ETV1: variants seen among roughly 807,000 people sequenced by gnomAD.
ETV1 encodes ETS variant transcription factor 1.
A neutral mutation model predicts 62.3 loss-of-function variants in ETV1; 27 were observed. The observed-to-expected ratio is 0.43, with a 90% CI of 0.32 to 0.60. ETV1 has a LOEUF of 0.60. Ranked by LOEUF, ETV1 falls within the 20% of genes least tolerant of loss-of-function variation. The pLI is 0.06. For synonymous variants in ETV1, 222 were observed against 199.6 expected (o/e 1.11, Z -0.94); for missense variants, 605 against 605.8 (o/e 1.00, Z 0.01).
chr7:13,988,249 C>CAA lies in ETV1; in HGVS notation c.46-77_46-76insTT, dbSNP rs1782733421. On this transcript the variant is annotated intron_variant, in intron 3 of 13. Coordinates refer to ENST00000430479, the MANE Select transcript of ETV1 (RefSeq NM_004956.5). Reference sequence around the variant, plus strand: ...ACACACGCACACGCGCGCGCACACACACACACACAGACATGCATACATAAG... The same window carrying CAA: ...ACACACGCACACGCGCGCGCACACACAAACACACACAGACATGCATACATAAG... 6.7e-5 allele frequency: 57 copies of CAA among 849,170 alleles called. No homozygotes were observed. In the South Asian group the frequency reaches 7.2e-4, roughly 11 times the overall value. 52.6% of individuals were successfully genotyped at this position (849,170 alleles called of 1,614,324 possible).
At chr7:13,900,552 A>G (rs1322978964) in intron 13 of ETV1, 186 bp downstream of exon 13, 1 of 535,494 alleles carries the variant, frequency 1.9e-6, no homozygotes, top group Non-Finnish European at 3.3e-6. Context: ...ATCACTACAC[A>G]TTTGTCTACA....
intron 6 of ETV1, among the ~76,000 whole-genome samples, chr7:13,949,795 A>G (rs983673647): frequency 1.3e-5 from 2 of 152,250 alleles, no homozygotes; most frequent in African/African-American, 4.8e-5. Flanking sequence ...TCGAGTTTTC[A>G]TGATTTTCCA....
chr7:13,897,185 T>C (rs1157912926), intron 13 of ETV1, among the ~76,000 whole-genome samples: 1 of 152,152 alleles, frequency 6.6e-6, no homozygotes, highest in Non-Finnish European at 1.5e-5. Flanking sequence ...GTTCTTTCTA[T>C]TAACTTTGAT....
In ETV1 at chr7:13,966,162, G is replaced by T. The variant is rs1230107743; in HGVS notation, c.235+11265C>A. On this transcript the variant is annotated intron_variant, in intron 6 of 13. Transcript: ENST00000430479. ...TGAATAGGACAATACTCTGTAAATAGTAATACTTAACAGTAGAGTACCTCA... is the reference window on the plus strand; with the variant it reads ...TGAATAGGACAATACTCTGTAAATATTAATACTTAACAGTAGAGTACCTCA... Among the ~76,000 whole-genome samples the T allele has an allele frequency of 2.0e-5, 3 of 152,126 alleles. No homozygotes were observed. The East Asian group carries it at 5.8e-4, about 29-fold the overall frequency.
chr7:13,918,776 A>C (rs1583626071), intron 9 of ETV1, among the ~76,000 whole-genome samples: 1 of 151,506 alleles, frequency 6.6e-6, no homozygotes, highest in East Asian at 2.0e-4. Context: ...CTAATGCTAG[A>C]TGACGAGTTA....
rs1469037984 is a variant in ETV1 at position 13,895,142 on chromosome 7, G to C, written c.*724C>G. Reference sequence around the variant, plus strand: ...GTATCTAAACAGCAAGGTGGCACCAGATACACGTAATGCTACTGGCCTATG... The same window carrying C: ...GTATCTAAACAGCAAGGTGGCACCACATACACGTAATGCTACTGGCCTATG... On this transcript the variant is annotated 3_prime_UTR_variant, in exon 14 of 14. Coordinates refer to ENST00000430479, the MANE Select transcript of ETV1 (RefSeq NM_004956.5). The C allele has an allele frequency of 4.3e-6, 1 of 233,378 alleles. No individual in the cohort carries two copies. Among genetic ancestry groups the C allele is most frequent in the East Asian group, 6.0e-5 (1 of 16,566 alleles). The allele number at this position is 233,378 out of a possible 1,614,324, so 14.5% of individuals were successfully genotyped here. A position where few individuals can be genotyped will look rare whatever the true frequency, so the allele number is the denominator to read the frequency against.
chr7:13,962,169 A>T (rs1334888449), intron 6 of ETV1, among the ~76,000 whole-genome samples: 1 of 151,236 alleles, frequency 6.6e-6, no homozygotes. Context: ...ATAAACATAT[A>T]CAATGTTATG....
intron 5 of ETV1, among the ~76,000 whole-genome samples, chr7:13,981,020 T>C (rs1203277392): frequency 1.3e-5 from 2 of 152,130 alleles, no homozygotes; most frequent in Non-Finnish European, 2.9e-5. Flanking sequence ...AAGTAAGCGA[T>C]GAAAAAGTTT....
At chr7:13,928,473 G>T (rs570018480) in intron 9 of ETV1, among the ~76,000 whole-genome samples, 1 of 152,058 alleles carries the variant, frequency 6.6e-6, no homozygotes, top group Non-Finnish European at 1.5e-5. Flanking sequence ...AATTAGCCGG[G>T]CATGGTGGCG....
At chr7:13,949,647 T>C (rs1366953404) in intron 6 of ETV1, among the ~76,000 whole-genome samples, 3 of 152,158 alleles carry the variant, frequency 2.0e-5, no homozygotes, top group Non-Finnish European at 4.4e-5. Flanking sequence ...AGTGCCTTTA[T>C]GGGGCCATTA....
intron 5 of ETV1, among the ~76,000 whole-genome samples, chr7:13,981,610 A>G (rs966379759): frequency 1.3e-5 from 2 of 152,118 alleles, no homozygotes. Context: ...ACTTGCATGT[A>G]TAAAACTAAG....
At chr7:13,909,220 T>C (rs1229588349) in intron 11 of ETV1, among the ~76,000 whole-genome samples, 1 of 151,674 alleles carries the variant, frequency 6.6e-6, no homozygotes, top group Non-Finnish European at 1.5e-5. Context: ...CATCTTTCCA[T>C]GAACAATGAA....
At chr7:13,916,391 A>G (rs1784157779) in intron 9 of ETV1, among the ~76,000 whole-genome samples, 1 of 152,194 alleles carries the variant, frequency 6.6e-6, no homozygotes. Context: ...TAATCCTAGC[A>G]CTTTGGGAGG....
intron 9 of ETV1, among the ~76,000 whole-genome samples, chr7:13,927,537 T>C (rs1055505024): frequency 1.3e-4 from 20 of 152,212 alleles, no homozygotes; most frequent in African/African-American, 4.8e-4. Context: ...GTGCTATTTG[T>C]TCAACACCAA....
At chr7:13,923,234 C>G (rs960106538) in intron 9 of ETV1, among the ~76,000 whole-genome samples, 1 of 152,178 alleles carries the variant, frequency 6.6e-6, no homozygotes, top group Non-Finnish European at 1.5e-5. Flanking sequence ...TTTAATCCTA[C>G]AAGTTTCACT....
intron 6 of ETV1, among the ~76,000 whole-genome samples, chr7:13,970,081 C>T (rs1780719775): frequency 6.6e-6 from 1 of 151,552 alleles, no homozygotes; most frequent in South Asian, 2.1e-4. Flanking sequence ...ACAGTGAAAC[C>T]CCGTCTCTAC....
chr7:13,929,300 G>T (rs2128446946), intron 9 of ETV1, among the ~76,000 whole-genome samples: 1 of 152,210 alleles, frequency 6.6e-6, no homozygotes, highest in East Asian at 1.9e-4. Context: ...AGTCCCTGGG[G>T]CAAAAATTCA....
At chr7:13,923,830 T>A (rs1196220204) in intron 9 of ETV1, among the ~76,000 whole-genome samples, 1 of 151,970 alleles carries the variant, frequency 6.6e-6, no homozygotes, top group Non-Finnish European at 1.5e-5. Flanking sequence ...GTCGGAAGTT[T>A]GAGACCAGCA....
At chr7:13,916,910 C>A (rs1161235981) in intron 9 of ETV1, among the ~76,000 whole-genome samples, 1 of 144,184 alleles carries the variant, frequency 6.9e-6, no homozygotes, top group Non-Finnish European at 1.5e-5. Flanking sequence ...CCAACCTAGG[C>A]AACAGAGCCA....
Sources: gnomAD v4.1 joint callset for allele counts (sites outside exome capture counted in the v4.1 genomes callset) on GRCh38, gnomAD v4.1.1 for gene constraint, MANE v1.5 for transcripts, NCBI Gene and HGNC (gene_info 2026-07-23, HGNC 2026-07-21) for gene names.